Variants in ZMYM2 observed in about 807,000 individuals in gnomAD.
ZMYM2 encodes the protein zinc finger MYM-type containing 2.
In ZMYM2, 56 loss-of-function variants were observed where a neutral mutation model predicts 162.8. The ratio of observed to expected loss-of-function variants is 0.34; its 90% CI spans 0.28 to 0.43. The LOEUF is 0.43. ZMYM2 is among the 20% of genes least tolerant of loss of function. The probability of loss-of-function intolerance (pLI) is 1.00; values close to 1 mark genes in which losing one functional copy is unlikely to be tolerated. For synonymous variants in ZMYM2, 510 were observed against 541.6 expected, an observed-to-expected ratio of 0.94 and a Z score of 0.81; for missense variants, 1,275 against 1,621.8, an observed-to-expected ratio of 0.79 and a Z score of 3.67.
intron 1 of ZMYM2, among the ~76,000 whole-genome samples, chr13:19,959,177 G>A (rs1321597030): frequency 2.0e-5 from 3 of 148,068 alleles, no homozygotes; most frequent in South Asian, 2.1e-4. Flanking sequence ...GGCCGGCGGG[G>A]CGGCGGGACG....
the ZMYM2 span, among the ~76,000 whole-genome samples, chr13:19,886,914 C>T: frequency 1.1e-4 from 16 of 151,218 alleles, no homozygotes; most frequent in Non-Finnish European, 1.3e-4. Context: ...TGCCCGCCTT[C>T]GCCTCCCAAA....
At chr13:19,889,917 T>C in the ZMYM2 span, among the ~76,000 whole-genome samples, 4 of 151,950 alleles carry the variant, frequency 2.6e-5, no homozygotes, top group South Asian at 8.3e-4. Context: ...AAAATAACAC[T>C]TCTCATCTTC....
At chr13:19,939,446 G>A in the ZMYM2 span, among the ~76,000 whole-genome samples, 3 of 151,950 alleles carry the variant, frequency 2.0e-5, no homozygotes, top group Admixed American at 2.0e-4. Context: ...ATAGGCCATA[G>A]TATATGATTT....
At chr13:19,995,016 A>AG (rs1287814558) in intron 3 of ZMYM2, among the ~76,000 whole-genome samples, 1 of 149,698 alleles carries the variant, frequency 6.7e-6, no homozygotes, top group Non-Finnish European at 1.5e-5. Flanking sequence ...AAAAAAAAAA[A>AG]AAATTATTTG....
the ZMYM2 span, among the ~76,000 whole-genome samples, chr13:19,889,922 A>G: frequency 6.6e-6 from 1 of 151,576 alleles, no homozygotes; most frequent in African/African-American, 2.4e-5. Context: ...AACACTTCTC[A>G]TCTTCTTATG....
chr13:20,077,424 A>G (rs1957584047), intron 21 of ZMYM2, among the ~76,000 whole-genome samples: 2 of 150,592 alleles, frequency 1.3e-5, no homozygotes, highest in Admixed American at 6.6e-5. Context: ...CCATTACAAT[A>G]TGTTCCACTG....
At chr13:20,013,867 G>C (rs113728646) in intron 6 of ZMYM2, among the ~76,000 whole-genome samples, 1 of 152,106 alleles carries the variant, frequency 6.6e-6, no homozygotes, top group South Asian at 2.1e-4. Flanking sequence ...TATTCTTGTG[G>C]GATACTGGTC....
At chr13:20,004,966 A>T in intron 4 of ZMYM2, 108 bp from the exon 5 acceptor site, 1 of 753,592 alleles carries the variant, frequency 1.3e-6, no homozygotes, top group Non-Finnish European at 2.0e-6. Flanking sequence ...TCCAAGAATG[A>T]TGTTTGATTT....
chr13:19,877,227 AAC>A, the ZMYM2 span, among the ~76,000 whole-genome samples: 18 of 151,872 alleles, frequency 1.2e-4, no homozygotes, highest in South Asian at 2.1e-3. Flanking sequence ...AAAAAAAAAA[AAC>A]AAAGAAGTTT....
the ZMYM2 span, among the ~76,000 whole-genome samples, chr13:19,946,392 T>C: frequency 1.3e-5 from 2 of 152,228 alleles, no homozygotes; most frequent in Admixed American, 6.5e-5. Context: ...TTCCATTTCT[T>C]AGGAGAAGTT....
At chr13:20,054,591 C>G (rs987406963) in intron 14 of ZMYM2, among the ~76,000 whole-genome samples, 1 of 152,132 alleles carries the variant, frequency 6.6e-6, no homozygotes, top group African/African-American at 2.4e-5. Flanking sequence ...CTTTTGGGTC[C>G]TACTTCAGCA....
rs756303444 is a variant in ZMYM2, at chr13:19,993,938, T to C, written c.847+19T>C. ...AATCCTGGTAAGCAGTAAGAGATAC[T>C]CTACTTCATGTAAATGAATTTAAAC... On this transcript the variant is annotated intron_variant, in intron 3 of 24. Transcript: ENST00000610343. The C allele has an allele frequency of 1.5e-5, 24 of 1,585,710 alleles. No homozygotes were observed. Among genetic ancestry groups the C allele is most frequent in the Non-Finnish European group, 2.1e-5 (24 of 1,170,680 alleles).
At chr13:20,069,969 TTTTTTCTTTTATGTTACTTTG>T (rs1956958394) in intron 21 of ZMYM2, among the ~76,000 whole-genome samples, 2 of 152,266 alleles carry the variant, frequency 1.3e-5, no homozygotes, top group East Asian at 3.9e-4. Context: ...ATGTTACTTT[TTTTTTCTTTTATGTTACTTTG>T]TTTTTCTTTT....
At chr13:19,867,783 G>A in the ZMYM2 span, among the ~76,000 whole-genome samples, 67 of 152,168 alleles carry the variant, frequency 4.4e-4, no homozygotes, top group African/African-American at 1.5e-3. Flanking sequence ...GCGCCACCAC[G>A]TCCAGCTAAT....
the ZMYM2 span, among the ~76,000 whole-genome samples, chr13:19,912,173 C>G: frequency 1.3e-5 from 2 of 152,170 alleles, no homozygotes; most frequent in African/African-American, 4.8e-5. Context: ...CCGTAAGGTC[C>G]ACCAGAAGTA....
the ZMYM2 span, among the ~76,000 whole-genome samples, chr13:19,906,857 C>T: frequency 6.6e-6 from 1 of 152,066 alleles, no homozygotes; most frequent in East Asian, 1.9e-4. Context: ...CTGTGAACAG[C>T]CCTAACTCTA....
the ZMYM2 span, among the ~76,000 whole-genome samples, chr13:19,867,707 C>T: frequency 6.6e-6 from 1 of 151,962 alleles, no homozygotes; most frequent in Admixed American, 6.6e-5. Context: ...ATCACTGCAA[C>T]CTCCGCCTCC....
upstream of ZMYM2, among the ~76,000 whole-genome samples, chr13:19,958,206 G>A (rs1954692145): frequency 6.6e-6 from 1 of 152,032 alleles, no homozygotes; most frequent in East Asian, 1.9e-4. Flanking sequence ...GCGCCTCCCC[G>A]GCCTCGCCCC....
chr13:19,931,360 G>A, the ZMYM2 span, among the ~76,000 whole-genome samples: 1 of 151,636 alleles, frequency 6.6e-6, no homozygotes, highest in Non-Finnish European at 1.5e-5. Flanking sequence ...AGATATTATT[G>A]GTTTTTGAGA....
Sources: gnomAD v4.1 joint callset for allele counts (sites outside exome capture counted in the v4.1 genomes callset) on GRCh38, gnomAD v4.1.1 for gene constraint, MANE v1.5 for transcripts, NCBI Gene and HGNC (gene_info 2026-07-23, HGNC 2026-07-21) for gene names.